The following MACROD2 variants were observed in gnomAD, a reference collection of about 807,000 sequenced individuals.
MACROD2 encodes the protein ADP-ribose glycohydrolase MACROD2.
Under a neutral mutation model 70.4 loss-of-function variants are expected in MACROD2, and 36 were observed. The ratio of observed to expected loss-of-function variants is 0.51; its 90% CI spans 0.39 to 0.68. The LOEUF is 0.68. Among genes scored for constraint, MACROD2 ranks in the 30% least tolerant of loss-of-function variants. The pLI, the probability that MACROD2 is intolerant of heterozygous loss-of-function variation, is 0.00. For synonymous variants in MACROD2, 172 were observed against 178.8 expected (o/e 0.96, Z 0.30); for missense variants, 496 against 538.4 (o/e 0.92, Z 0.78).
intron 3 of MACROD2, among the ~76,000 whole-genome samples, chr20:14,489,609 A>T (rs192366461): frequency 1.8e-4 from 27 of 152,322 alleles, no homozygotes; most frequent in African/African-American, 6.5e-4. Context: ...AAGAAAGCAG[A>T]ATAAATAAAC....
At chr20:15,421,260 C>G (rs988814821) in intron 6 of MACROD2, among the ~76,000 whole-genome samples, 2 of 151,960 alleles carry the variant, frequency 1.3e-5, no homozygotes, top group African/African-American at 4.8e-5. Flanking sequence ...CACCTGTAGT[C>G]CCAGCTATTC....
Position 14,870,608 on chromosome 20 carries a change from A to AT in MACROD2, c.418+185659dup, listed in dbSNP as rs146785564. Among the ~76,000 whole-genome samples, 1,223 of 149,012 alleles carry AT rather than the reference A, an allele frequency of 8.2e-3. 9 individuals are homozygous for AT. The highest frequency in any genetic ancestry group is 0.025 in the African/African-American group (1,034 of 40,734). ...CTCCTCAACCTCACCAGGACCTATT[A>AT]TTTTTTTTTTGACTTTTTAATAATG... is the stretch of plus-strand genomic sequence containing the variant. On this transcript the variant is annotated intron_variant, in intron 5 of 17. Coordinates refer to ENST00000684519, the MANE Select transcript of MACROD2 (RefSeq NM_001351661.2).
rs181140780 is a variant in MACROD2 at position 14,297,620 on chromosome 20, A to G, written c.272-195859A>G. On this transcript the variant is annotated intron_variant, in intron 3 of 17. Transcript: ENST00000684519. ...AGAGAGGTGAGGAAGTTGCAGAAGA[A>G]AAGTTGGAAGCTAGCAGAGGTTGGT... Among the ~76,000 whole-genome samples, 108 of 152,106 alleles carry G rather than the reference A, an allele frequency of 7.1e-4. 2 individuals are homozygous for G. The highest frequency in any genetic ancestry group is 2.5e-3 in the African/African-American group (102 of 41,398).
intron 4 of MACROD2, among the ~76,000 whole-genome samples, chr20:14,584,802 A>T (rs1303872502): frequency 1.3e-5 from 2 of 152,200 alleles, no homozygotes; most frequent in African/African-American, 4.8e-5. Flanking sequence ...CTAGCAATCC[A>T]GTGATACCTA....
intron 5 of MACROD2, among the ~76,000 whole-genome samples, chr20:14,823,648 C>T (rs917419469): frequency 2.0e-5 from 3 of 152,122 alleles, no homozygotes; most frequent in African/African-American, 7.2e-5. Flanking sequence ...CCATACATCA[C>T]TTCTGCTTAG....
chr20:15,702,981 G>C (rs998575765), intron 8 of MACROD2, among the ~76,000 whole-genome samples: 1 of 152,042 alleles, frequency 6.6e-6, no homozygotes, highest in Non-Finnish European at 1.5e-5. Flanking sequence ...CAGAAATAAA[G>C]CCACACACCT....
rs961916151 is a variant in MACROD2, at chr20:14,198,115, G to T, written c.271+112387G>T. The stretch of plus-strand genomic sequence containing the variant: ...TAACAACTTTATTGCAGGCTGGAGG[G>T]CTGTGTGTTTGTGTGTGCGTGAGAG... On this transcript the variant is annotated intron_variant, in intron 3 of 17. Transcript: ENST00000684519. 5.3e-5 allele frequency among the ~76,000 whole-genome samples: 8 copies of T among 152,076 alleles called. 1 individual carries two copies. In the South Asian group the frequency reaches 1.7e-3, roughly 32 times the overall value.
chr20:15,068,634 C>T (rs1341752425), intron 5 of MACROD2, among the ~76,000 whole-genome samples: 1 of 152,160 alleles, frequency 6.6e-6, no homozygotes, highest in African/African-American at 2.4e-5. Flanking sequence ...GACATGCTGG[C>T]TCCCCCTTTG....
intron 5 of MACROD2, among the ~76,000 whole-genome samples, chr20:15,053,836 C>T (rs1317181887): frequency 6.6e-6 from 1 of 152,158 alleles, no homozygotes; most frequent in Non-Finnish European, 1.5e-5. Context: ...AAAGGATTCA[C>T]CATTCTAGAT....
At chr20:14,568,526 A>C (rs1221754904) in intron 4 of MACROD2, among the ~76,000 whole-genome samples, 1 of 152,032 alleles carries the variant, frequency 6.6e-6, no homozygotes, top group Non-Finnish European at 1.5e-5. Flanking sequence ...GCTGTTGTCT[A>C]ATTTGTTGTA....
Position 14,427,090 on chromosome 20 carries a change from A to T in MACROD2, c.272-66389A>T, listed in dbSNP as rs189301955. Among the ~76,000 whole-genome samples the T allele has an allele frequency of 3.6e-3, 547 of 151,942 alleles. 8 individuals carry two copies. The highest frequency in any genetic ancestry group is 0.012 in the African/African-American group (516 of 41,450). ...AATTTGGTTGGCTCTTACATCATGGACTCAATTATTCACCCCTCATTCCTC... is the reference window on the plus strand; with the variant it reads ...AATTTGGTTGGCTCTTACATCATGGTCTCAATTATTCACCCCTCATTCCTC... On this transcript the variant is annotated intron_variant, in intron 3 of 17. Coordinates refer to ENST00000684519, the MANE Select transcript of MACROD2 (RefSeq NM_001351661.2).
intron 5 of MACROD2, among the ~76,000 whole-genome samples, chr20:15,109,644 C>T (rs543442049): frequency 5.9e-5 from 9 of 152,216 alleles, no homozygotes; most frequent in South Asian, 2.1e-4. Context: ...ACAAATAAAA[C>T]GAATCTTAAG....
At chr20:15,231,247 G>T (rs896068375) in intron 6 of MACROD2, among the ~76,000 whole-genome samples, 7 of 151,838 alleles carry the variant, frequency 4.6e-5, no homozygotes, top group African/African-American at 1.7e-4. Context: ...CTAAAATTTT[G>T]TTCGCAAATG....
chr20:15,913,521 A>C (rs2065266836), intron 10 of MACROD2, among the ~76,000 whole-genome samples: 1 of 152,214 alleles, frequency 6.6e-6, no homozygotes, highest in Non-Finnish European at 1.5e-5. Flanking sequence ...CTTATGAGCT[A>C]ACAGTGAAGT....
At chr20:14,995,121 G>A (rs1049035127) in intron 5 of MACROD2, among the ~76,000 whole-genome samples, 3 of 151,876 alleles carry the variant, frequency 2.0e-5, no homozygotes, top group Admixed American at 1.3e-4. Context: ...TGGCCTTTTA[G>A]TAACCAACTG....
intron 5 of MACROD2, among the ~76,000 whole-genome samples, chr20:14,856,234 T>A (rs184101080): frequency 1.1e-3 from 167 of 152,280 alleles, no homozygotes; most frequent in Non-Finnish European, 1.8e-3. Context: ...TAAATAGAAT[T>A]TAATTAAAAT....
intron 5 of MACROD2, among the ~76,000 whole-genome samples, chr20:14,968,743 G>T (rs868625791): frequency 4.3e-4 from 65 of 152,088 alleles, no homozygotes; most frequent in African/African-American, 1.6e-3. Flanking sequence ...GCTGGCTGGG[G>T]ACCACAGTTC....
chr20:15,810,599 A>G (rs1472333357), intron 8 of MACROD2, among the ~76,000 whole-genome samples: 2 of 152,190 alleles, frequency 1.3e-5, no homozygotes, highest in Non-Finnish European at 2.9e-5. Flanking sequence ...TAAAGTTCAT[A>G]TGGCACCAAA....
intron 3 of MACROD2, among the ~76,000 whole-genome samples, chr20:14,266,745 C>T (rs1488045028): frequency 6.6e-6 from 1 of 152,052 alleles, no homozygotes; most frequent in Non-Finnish European, 1.5e-5. Context: ...AGACTATTTG[C>T]TGTGGATTAC....
Sources: allele counts gnomAD v4.1 joint callset (sites outside exome capture counted in the v4.1 genomes callset), GRCh38; gene constraint gnomAD v4.1.1; transcripts MANE v1.5; gene names NCBI Gene and HGNC (gene_info 2026-07-23, HGNC 2026-07-21).